SLC9A1: variants seen among roughly 807,000 people sequenced by gnomAD.
SLC9A1 encodes the protein sodium/hydrogen exchanger 1.
In SLC9A1, 22 loss-of-function variants were observed where a neutral mutation model predicts 67.9. The observed-to-expected ratio is 0.32, with a 90% CI of 0.23 to 0.46. The LOEUF (loss-of-function observed/expected upper bound fraction) is 0.46, where lower values mean the gene tolerates loss of function less well. Among genes scored for constraint, SLC9A1 ranks in the 20% least tolerant of loss-of-function variants. The pLI is 1.00. For synonymous variants in SLC9A1, 421 were observed against 471.8 expected (o/e 0.89, Z 1.40); for missense variants, 686 against 1,094.8 (o/e 0.63, Z 5.27).
At position 27,101,073 on chromosome 1, in the gene SLC9A1, G is replaced by A. The variant is rs979228977; in HGVS notation, c.2110+130C>T. 8 of 683,494 alleles carry A rather than the reference G, an allele frequency of 1.2e-5. No homozygotes were observed. Among genetic ancestry groups the A allele is most frequent in the Non-Finnish European group, 2.0e-5 (8 of 397,280 alleles). 42.3% of individuals were successfully genotyped at this position (683,494 alleles called of 1,614,324 possible). On this transcript the variant is annotated intron_variant, in intron 11 of 11. Coordinates refer to ENST00000263980, the MANE Select transcript of SLC9A1 (RefSeq NM_003047.5). This position sits in a 1 kb window ranked among gnomAD's most constrained non-coding sequence, Gnocchi z 4.9. ...GACGTAGAAGCAGCTCATGGCTTGG[G>A]AGGGGATCCTGAGGTCAGCGAGGGC...
intron 2 of SLC9A1, among the ~76,000 whole-genome samples, chr1:27,112,905 A>T (rs1409409818): frequency 2.0e-5 from 3 of 150,710 alleles, no homozygotes; most frequent in East Asian, 3.9e-4. Context: ...AAAAAAAAAA[A>T]GGTGAGGGCC....
intron 5 of SLC9A1, 54 bp from the exon 6 acceptor site, chr1:27,103,366 C>A (rs2083161448): frequency 3.1e-6 from 4 of 1,272,492 alleles, no homozygotes; most frequent in Non-Finnish European, 4.6e-6. Flanking sequence ...GGCAGGGAGG[C>A]CACAGAGCCT....
At chr1:27,119,570 A>G (rs1430204466) in intron 1 of SLC9A1, among the ~76,000 whole-genome samples, 1 of 151,978 alleles carries the variant, frequency 6.6e-6, no homozygotes, top group African/African-American at 2.4e-5. Context: ...AGCACTCTAC[A>G]GTTTACAGCG....
At chr1:27,117,054 C>T (rs1570859358) in intron 1 of SLC9A1, among the ~76,000 whole-genome samples, 1 of 152,028 alleles carries the variant, frequency 6.6e-6, no homozygotes, top group African/African-American at 2.4e-5. Context: ...TCTCTCATAA[C>T]CTTCAATCCA....
intron 1 of SLC9A1, among the ~76,000 whole-genome samples, chr1:27,126,542 C>T (rs1350724434): frequency 6.6e-6 from 1 of 152,190 alleles, no homozygotes. Flanking sequence ...ACGCTCAGTT[C>T]TGTGGCCTGC....
At position 27,154,349 on chromosome 1, in the gene SLC9A1, A is replaced by C; in HGVS notation, c.-15T>G. 8.4e-6 allele frequency: 13 copies of C among 1,548,374 alleles called. No homozygotes were observed. Among genetic ancestry groups the C allele is most frequent in the Non-Finnish European group, 1.1e-5 (13 of 1,139,536 alleles). On this transcript the variant is annotated 5_prime_UTR_variant, in exon 1 of 12. Transcript: ENST00000263980. ...CGCAGAACCATGGTGCTGCTTCCAG[A>C]GCCAGCCTCGACCTTACCCAAATGA...
chr1:27,150,460 C>G (rs2083519096), intron 1 of SLC9A1, among the ~76,000 whole-genome samples: 1 of 152,160 alleles, frequency 6.6e-6, no homozygotes. Flanking sequence ...AGGCTCTCCT[C>G]TGGAATAAGT....
At position 27,113,966 on chromosome 1, in the gene SLC9A1, G is replaced by A; in HGVS notation, c.673C>T (p.Leu225=). 6.2e-7 allele frequency: 1 copy of A among 1,614,250 alleles called. No individual in the cohort carries two copies. Among genetic ancestry groups the A allele is most frequent in the Non-Finnish European group, 8.5e-7 (1 of 1,180,050 alleles). The change falls in exon 2 of 12, where the codon CTG becomes TTG. Residue 225 remains leucine (L), a synonymous_variant. Transcript: ENST00000263980. ...ATGCTGCCGAAGAGCAGGTTGTCCAGGAGGCCGATGTTGTTGATCTGCTCA... is the reference window on the plus strand; with the variant it reads ...ATGCTGCCGAAGAGCAGGTTGTCCAAGAGGCCGATGTTGTTGATCTGCTCA... ...GGEQINNIGL[L]DNLLFGSIIS...
At position 27,140,362 on chromosome 1, in the gene SLC9A1, G is replaced by A. The variant is rs75203310; in HGVS notation, c.352+13621C>T. Among the ~76,000 whole-genome samples, 1,175 of 152,154 alleles carry A rather than the reference G, an allele frequency of 7.7e-3. 14 individuals are homozygous for A. Among genetic ancestry groups the A allele is most frequent in the African/African-American group, 0.026 (1,087 of 41,528 alleles). Reference sequence around the variant, plus strand: ...TCTCCCCACCTCCCAACTAAAGAACGAGCTCAGACAATTCAGCTAATGGTC... The same window carrying A: ...TCTCCCCACCTCCCAACTAAAGAACAAGCTCAGACAATTCAGCTAATGGTC... On this transcript the variant is annotated intron_variant, in intron 1 of 11. Coordinates refer to ENST00000263980, the MANE Select transcript of SLC9A1 (RefSeq NM_003047.5).
In SLC9A1 at chr1:27,154,402, A is replaced by G. The variant is rs2083552377; in HGVS notation, c.-68T>C. ...GTAAAACCGGGCACATAGGTAGCAA[A>G]GGGTCAGCAAGTGGGAAGAGAGACT... On this transcript the variant is annotated 5_prime_UTR_variant, in exon 1 of 12. Coordinates refer to ENST00000263980, the MANE Select transcript of SLC9A1 (RefSeq NM_003047.5). The G allele has an allele frequency of 1.0e-6, 1 of 982,670 alleles. No homozygotes were observed. Among genetic ancestry groups the G allele is most frequent in the South Asian group, 1.8e-5 (1 of 56,626 alleles). 60.9% of individuals were successfully genotyped at this position (982,670 alleles called of 1,614,324 possible).
At chr1:27,134,278 TG>T (rs2124191137) in intron 1 of SLC9A1, among the ~76,000 whole-genome samples, 2 of 152,294 alleles carry the variant, frequency 1.3e-5, no homozygotes, top group Admixed American at 1.3e-4. Flanking sequence ...TGACCTTCCC[TG>T]GGCTACAGTT....
Position 27,102,720 on chromosome 1 carries a change from G to A in SLC9A1, c.1599C>T (p.Gly533=). The A allele has an allele frequency of 1.9e-6, 3 of 1,613,774 alleles. No homozygotes were observed. Among genetic ancestry groups the A allele is most frequent in the South Asian group, 2.2e-5 (2 of 91,058 alleles). Residue 533 remains glycine (G), a synonymous_variant, in exon 7 of 12, where the codon GGC becomes GGT. Transcript: ENST00000263980. ...CGTAGTGGCCACAGATGTCTTCGAT[G>A]CCTGTCAGAAGGTGGTCCAGGAACT... ...HTQFLDHLLT[G]IEDICGHYGH... is the part of the protein sequence containing the mutation.
intron 1 of SLC9A1, among the ~76,000 whole-genome samples, chr1:27,122,871 G>C (rs1408414137): frequency 6.6e-6 from 1 of 152,200 alleles, no homozygotes; most frequent in Non-Finnish European, 1.5e-5. Context: ...GGAGGGACAG[G>C]GACTGGGACC....
rs184596695 is a variant in SLC9A1 at position 27,120,648 on chromosome 1, G to C, written c.353-6362C>G. On this transcript the variant is annotated intron_variant, in intron 1 of 11. Transcript: ENST00000263980. ...AGCTACTCAGGAGGCTGAGGCAGGAGAATCACTTGAACCTGTTAGGCAGAG... is the reference window on the plus strand; with the variant it reads ...AGCTACTCAGGAGGCTGAGGCAGGACAATCACTTGAACCTGTTAGGCAGAG... 5.4e-3 allele frequency among the ~76,000 whole-genome samples: 813 copies of C among 151,940 alleles called. 13 individuals carry two copies. The highest frequency in any genetic ancestry group is 5.5e-3 in the Non-Finnish European group (374 of 67,936).
intron 1 of SLC9A1, among the ~76,000 whole-genome samples, chr1:27,135,966 G>A (rs2083418053): frequency 2.0e-5 from 3 of 152,246 alleles, no homozygotes; most frequent in South Asian, 4.1e-4. Context: ...AAATGACACA[G>A]GTCAGATAAT....
Position 27,102,082 on chromosome 1 carries a change from C to T in SLC9A1, c.1869G>A (p.Leu623=). 1.2e-6 allele frequency: 2 copies of T among 1,614,096 alleles called. No individual in the cohort carries two copies. The highest frequency in any genetic ancestry group is 1.7e-6 in the Non-Finnish European group (2 of 1,179,996). The change falls in exon 9 of 12, where the codon CTG becomes CTA. Residue 623 remains leucine (L), a synonymous_variant. Coordinates refer to ENST00000263980, the MANE Select transcript of SLC9A1 (RefSeq NM_003047.5). ...SLPSERILPA[L]SKDKEEEIRK... is the part of the protein sequence containing the mutation. ...GGATCTCCTCCTCCTTGTCCTTGGA[C>T]AGTGCTGGCAGGATGCGCTCGGAAG...
Position 27,101,742 on chromosome 1 carries a change from G to A in SLC9A1, c.2020C>T (p.Arg674Trp), listed in dbSNP as rs756321872. Reference sequence around the variant, plus strand: ...GAGGCTACCTTCTGCTCCAGCTGCCGGGCCTTCTGCCTCCGGAGCAGCATC... The same window carrying A: ...GAGGCTACCTTCTGCTCCAGCTGCCAGGCCTTCTGCCTCCGGAGCAGCATC... ...NQMLLRRQKA[R>W]QLEQKINNYL... Residue 674 changes from arginine (R) to tryptophan (W), a missense_variant, in exon 10 of 12, where the codon CGG becomes TGG. Coordinates refer to ENST00000263980, the MANE Select transcript of SLC9A1 (RefSeq NM_003047.5). The surrounding 1 kb of genome is among the most constrained non-coding windows in gnomAD (Gnocchi z 4.9). 1.3e-5 allele frequency: 21 copies of A among 1,611,968 alleles called. No homozygotes were observed. The highest frequency in any genetic ancestry group is 1.7e-4 in the Middle Eastern group (1 of 5,912).
chr1:27,107,514 C>T (rs2083196648), intron 4 of SLC9A1, 134 bp downstream of exon 4: 1 of 691,068 alleles, frequency 1.4e-6, no homozygotes, highest in Non-Finnish European at 2.5e-6. Context: ...TACACTGCAC[C>T]ACATGCACAC....
chr1:27,107,915 T>C, intron 3 of SLC9A1, 50 bp from the exon 4 acceptor site: 1 of 1,386,674 alleles, frequency 7.2e-7, no homozygotes, highest in Non-Finnish European at 1.0e-6. Flanking sequence ...CTGCACCTGC[T>C]CGAGCCCCTC....
Sources: gnomAD v4.1 joint callset for allele counts (sites outside exome capture counted in the v4.1 genomes callset) on GRCh38, gnomAD v4.1.1 for gene constraint, Gnocchi (gnomAD v3.1) non-coding constraint, MANE v1.5 for transcripts, NCBI Gene and HGNC (gene_info 2026-07-23, HGNC 2026-07-21) for gene names.